DGKI: variants seen among roughly 807,000 people sequenced by gnomAD.
DGKI encodes the protein diacylglycerol kinase iota.
In DGKI, 55 loss-of-function variants were observed where a neutral mutation model predicts 147.5. The observed-to-expected ratio is 0.37, with a 90% CI of 0.30 to 0.47. DGKI has a LOEUF of 0.47. Ranked by LOEUF, DGKI falls within the 20% of genes least tolerant of loss-of-function variation. The pLI is 1.00. For missense variants in DGKI, 1,007 were observed against 1,323.8 expected, an observed-to-expected ratio of 0.76 and a Z score of 3.71; for synonymous variants, 469 against 477.1, an observed-to-expected ratio of 0.98 and a Z score of 0.22.
chr7:137,678,709 T>G (rs1288240040), intron 2 of DGKI, 57 bp from the exon 3 acceptor site: 1 of 1,472,384 alleles, frequency 6.8e-7, no homozygotes, highest in African/African-American at 1.4e-5. Flanking sequence ...TAAGGAAAAC[T>G]ATTTCAAATT....
chr7:137,659,562 T>C (rs1322487946), intron 3 of DGKI, among the ~76,000 whole-genome samples: 1 of 152,222 alleles, frequency 6.6e-6, no homozygotes, highest in African/African-American at 2.4e-5. Context: ...ATTCACTTTT[T>C]CCCAAATAAC....
intron 2 of DGKI, among the ~76,000 whole-genome samples, chr7:137,681,155 T>C (rs1207355009): frequency 6.6e-6 from 1 of 152,192 alleles, no homozygotes; most frequent in Non-Finnish European, 1.5e-5. Flanking sequence ...AAACCATTCC[T>C]AAAGGGAGAG....
At chr7:137,830,052 A>G (rs778632849) in intron 1 of DGKI, among the ~76,000 whole-genome samples, 32 of 152,230 alleles carry the variant, frequency 2.1e-4, no homozygotes, top group Non-Finnish European at 2.4e-4. Flanking sequence ...CTAAAAGGGC[A>G]TGGCATCTGA....
At chr7:137,443,291 C>T (rs1036037263) in intron 28 of DGKI, among the ~76,000 whole-genome samples, 4 of 152,004 alleles carry the variant, frequency 2.6e-5, no homozygotes, top group Non-Finnish European at 5.9e-5. Flanking sequence ...TACTATGGAA[C>T]GATCATTTTG....
intron 28 of DGKI, among the ~76,000 whole-genome samples, chr7:137,434,904 G>A (rs1414005697): frequency 6.6e-6 from 1 of 152,028 alleles, no homozygotes; most frequent in Non-Finnish European, 1.5e-5. Flanking sequence ...GGCTAACTAA[G>A]AAAAAATATG....
intron 23 of DGKI, among the ~76,000 whole-genome samples, chr7:137,478,881 C>A (rs1008050107): frequency 6.6e-6 from 1 of 152,128 alleles, no homozygotes; most frequent in African/African-American, 2.4e-5. Context: ...AATAAATGTA[C>A]AGTGACCTAT....
At chr7:137,433,853 C>T (rs1428086734) in intron 28 of DGKI, among the ~76,000 whole-genome samples, 7 of 152,190 alleles carry the variant, frequency 4.6e-5, no homozygotes, top group Non-Finnish European at 5.9e-5. Flanking sequence ...CGTGGTGGCT[C>T]ACGCCTGTAA....
At chr7:137,632,520 C>A (rs945608501) in intron 6 of DGKI, among the ~76,000 whole-genome samples, 1 of 152,120 alleles carries the variant, frequency 6.6e-6, no homozygotes, top group Admixed American at 6.5e-5. Context: ...GACATGTATA[C>A]CCTGGGTATG....
intron 3 of DGKI, among the ~76,000 whole-genome samples, chr7:137,668,251 G>A (rs1822712675): frequency 1.3e-5 from 2 of 152,190 alleles, no homozygotes. Flanking sequence ...ATGACCCCCT[G>A]TGCCAAGATG....
At chr7:137,408,664 C>A (rs561737590) in intron 29 of DGKI, among the ~76,000 whole-genome samples, 2 of 151,968 alleles carry the variant, frequency 1.3e-5, no homozygotes, top group Non-Finnish European at 2.9e-5. Context: ...CAGAGTGAGA[C>A]CCAAAATGAT....
At chr7:137,822,219 C>A (rs1797927484) in intron 1 of DGKI, among the ~76,000 whole-genome samples, 1 of 152,078 alleles carries the variant, frequency 6.6e-6, no homozygotes, top group Non-Finnish European at 1.5e-5. Flanking sequence ...CCAGCCTGGC[C>A]AACATGGCGA....
At chr7:137,542,521 C>T (rs557393796) in intron 20 of DGKI, among the ~76,000 whole-genome samples, 56 of 152,302 alleles carry the variant, frequency 3.7e-4, no homozygotes, top group African/African-American at 1.3e-3. Context: ...CAATGGACTA[C>T]ACATTGTATA....
intron 28 of DGKI, among the ~76,000 whole-genome samples, chr7:137,417,051 T>C (rs752897307): frequency 6.6e-6 from 1 of 152,232 alleles, no homozygotes; most frequent in Non-Finnish European, 1.5e-5. Context: ...TCTATTATTA[T>C]TCAACTCCAG....
chr7:137,410,438 C>A (rs116374973), intron 29 of DGKI, among the ~76,000 whole-genome samples: 1,567 of 152,264 alleles, frequency 0.01, 25 homozygotes, highest in African/African-American at 0.036. Flanking sequence ...GTTATTAAGT[C>A]ATGTTTTAGT....
chr7:137,635,121 C>T (rs935442850), intron 6 of DGKI, among the ~76,000 whole-genome samples: 2 of 152,132 alleles, frequency 1.3e-5, no homozygotes, highest in South Asian at 2.1e-4. Flanking sequence ...AAATCTTAGA[C>T]ACAACGCAGG....
rs547680567 is a variant in DGKI, at chr7:137,493,316, G to C, written c.2249-5627C>G. On this transcript the variant is annotated intron_variant, in intron 21 of 32. Coordinates refer to ENST00000614521, the MANE Select transcript of DGKI (RefSeq NM_001321708.2). ...GCCACTTGCAAATGCCTGTATGGAG[G>C]CTGGAAGCCCCTGGCTCACCAGGGC... Among the ~76,000 whole-genome samples, 21 of 152,302 alleles carry C rather than the reference G, an allele frequency of 1.4e-4. No individual in the cohort carries two copies. In the East Asian group the frequency reaches 3.5e-3, roughly 25 times the overall value.
At chr7:137,428,518 T>A (rs1812917499) in intron 28 of DGKI, among the ~76,000 whole-genome samples, 1 of 151,988 alleles carries the variant, frequency 6.6e-6, no homozygotes, top group African/African-American at 2.4e-5. Context: ...CTCTCACCAC[T>A]CCTATTTGAC....
At chr7:137,638,611 TACACACAC>T (rs1216708043) in intron 6 of DGKI, among the ~76,000 whole-genome samples, 1 of 5,352 alleles carries the variant, frequency 1.9e-4, no homozygotes, top group Non-Finnish European at 5.0e-4. Context: ...TGTATATATA[TACACACAC>T]ACATATATAT....
rs575162926 is a variant in DGKI, at chr7:137,638,240, C to A, written c.804+7232G>T. Among the ~76,000 whole-genome samples, 4 of 151,864 alleles carry A rather than the reference C, an allele frequency of 2.6e-5. No homozygotes were observed. The South Asian group carries it at 8.3e-4, about 32-fold the overall frequency. ...ACTCATTTGCTGGTGGCTCTCTGGA[C>A]CTTTCTGTCCCTTTGCTTCTCACCT... On this transcript the variant is annotated intron_variant, in intron 6 of 32. Transcript: ENST00000614521.
Sources: gnomAD v4.1 joint callset for allele counts (sites outside exome capture counted in the v4.1 genomes callset) on GRCh38, gnomAD v4.1.1 for gene constraint, MANE v1.5 for transcripts, NCBI Gene and HGNC (gene_info 2026-07-23, HGNC 2026-07-21) for gene names.